Variants in R3HDM2 observed in about 807,000 individuals in gnomAD.
R3HDM2 encodes the protein R3H domain containing 2, also known as R3H domain-containing protein 2.
In R3HDM2, 38 loss-of-function variants were observed where a neutral mutation model predicts 124.5. The ratio of observed to expected loss-of-function variants is 0.31; its 90% CI spans 0.24 to 0.40. R3HDM2 has a LOEUF of 0.40. R3HDM2 is among the 10% of genes least tolerant of loss of function. The pLI, the probability that R3HDM2 is intolerant of heterozygous loss-of-function variation, is 1.00. For missense variants in R3HDM2, 869 were observed against 1,236.9 expected (o/e 0.70, Z 4.46); for synonymous variants, 391 against 448.0 (o/e 0.87, Z 1.61).
chr12:57,274,527 T>C (rs536624379), intron 14 of R3HDM2, among the ~76,000 whole-genome samples: 2 of 152,244 alleles, frequency 1.3e-5, no homozygotes, highest in South Asian at 4.1e-4. Context: ...TCCCCACACT[T>C]GTAAGTTCTG....
chr12:57,267,059 A>G (rs1487468415), intron 18 of R3HDM2: 2 of 434,066 alleles, frequency 4.6e-6, no homozygotes, highest in Admixed American at 7.9e-5. Context: ...TCAGTGCTAC[A>G]GATGGAATGT....
At chr12:57,339,326 T>C (rs1442309436) in intron 2 of R3HDM2, among the ~76,000 whole-genome samples, 1 of 152,142 alleles carries the variant, frequency 6.6e-6, no homozygotes, top group African/African-American at 2.4e-5. Flanking sequence ...TTAAATAATT[T>C]GGCCAAGGTC....
At position 57,258,018 on chromosome 12, in the gene R3HDM2, C is replaced by T; in HGVS notation, c.2421G>A (p.Gln807=). ...TGLSPLPVLT[Q]FPRPGGPAQG... ...GTGCTGGACCCCCAGGCCGGGGGAA[C>T]TGTGTGAGGACAGGCAGGGGACTGA... Residue 807 remains glutamine (Q), a synonymous_variant, in exon 21 of 24, where the codon CAG becomes CAA. Transcript: ENST00000402412. 6.3e-7 allele frequency: 1 copy of T among 1,579,594 alleles called. No homozygotes were observed.
intron 2 of R3HDM2, among the ~76,000 whole-genome samples, chr12:57,365,928 T>C (rs2062588570): frequency 1.1e-5 from 1 of 87,346 alleles, no homozygotes; most frequent in African/African-American, 3.0e-5. Context: ...AGAGCAAGAC[T>C]CCATCTCAAA....
At chr12:57,405,276 CTCAT>C (rs2068426168) in intron 1 of R3HDM2, among the ~76,000 whole-genome samples, 77 of 152,124 alleles carry the variant, frequency 5.1e-4, no homozygotes, top group Admixed American at 5.0e-3. Context: ...ATTTAAATTT[CTCAT>C]AATGAGTACA....
At position 57,375,002 on chromosome 12, in the gene R3HDM2, A is replaced by AAAAT. The variant is rs564327942; in HGVS notation, c.-36+20743_-36+20746dup. 4.3e-3 allele frequency among the ~76,000 whole-genome samples: 656 copies of AAAAT among 151,470 alleles called. 4 individuals are homozygous for AAAAT. The highest frequency in any genetic ancestry group is 0.014 in the African/African-American group (590 of 41,358). ...CAGAGCAAGACTCCATCTCAAAAAA[A>AAAAT]AAATAAATAAATAAATAAATAAAAT... On this transcript the variant is annotated intron_variant, in intron 2 of 23. Transcript: ENST00000402412.
chr12:57,311,274 G>T (rs2053848991), intron 2 of R3HDM2, among the ~76,000 whole-genome samples: 1 of 151,962 alleles, frequency 6.6e-6, no homozygotes, highest in Non-Finnish European at 1.5e-5. Flanking sequence ...CACCCAGGCT[G>T]GAGTGCAGTG....
intron 19 of R3HDM2, among the ~76,000 whole-genome samples, chr12:57,263,589 C>A (rs1479763536): frequency 6.6e-6 from 1 of 152,172 alleles, no homozygotes; most frequent in Non-Finnish European, 1.5e-5. Flanking sequence ...ATGCCTCAGC[C>A]TTCCAAGTAG....
At chr12:57,303,285 T>C in intron 3 of R3HDM2, 68 bp from the exon 4 acceptor site, 1 of 1,358,418 alleles carries the variant, frequency 7.4e-7, no homozygotes, top group Non-Finnish European at 1.0e-6. Flanking sequence ...AAACAATACA[T>C]GTTTATAAAG....
chr12:57,358,460 A>C (rs990361951), intron 2 of R3HDM2, among the ~76,000 whole-genome samples: 7 of 151,042 alleles, frequency 4.6e-5, no homozygotes, highest in Non-Finnish European at 1.0e-4. Flanking sequence ...AATATGGCAA[A>C]ACCCTGTGTC....
At chr12:57,357,441 G>A (rs1028168037) in intron 2 of R3HDM2, among the ~76,000 whole-genome samples, 3 of 150,972 alleles carry the variant, frequency 2.0e-5, no homozygotes, top group African/African-American at 7.3e-5. Flanking sequence ...CAGCCTGGGC[G>A]ACAGAGCAAG....
intron 2 of R3HDM2, among the ~76,000 whole-genome samples, chr12:57,326,648 T>C (rs1593308717): frequency 6.6e-6 from 1 of 152,150 alleles, no homozygotes; most frequent in African/African-American, 2.4e-5. Flanking sequence ...GTTAAGAAAA[T>C]TGATAAAGGT....
rs1011507666 is a variant in R3HDM2, at chr12:57,376,459, C to A, written c.-36+19290G>T. Among the ~76,000 whole-genome samples the A allele has an allele frequency of 2.6e-5, 4 of 152,264 alleles. 1 individual carries two copies. Among genetic ancestry groups the A allele is most frequent in the South Asian group, 4.1e-4 (2 of 4,826 alleles). ...ATATCCCTGAACCATCCTATTCTGT[C>A]TCAAAAAATAATTTCCCCTCAAAGT... is the stretch of plus-strand genomic sequence containing the variant. On this transcript the variant is annotated intron_variant, in intron 2 of 23. Transcript: ENST00000402412.
At chr12:57,339,868 C>T (rs955856186) in intron 2 of R3HDM2, among the ~76,000 whole-genome samples, 7 of 152,048 alleles carry the variant, frequency 4.6e-5, no homozygotes, top group Non-Finnish European at 7.4e-5. Flanking sequence ...TTATCCCAAA[C>T]GGGGTGATGC....
chr12:57,341,517 A>G, intron 2 of R3HDM2: 1 of 595,652 alleles, frequency 1.7e-6, no homozygotes, highest in Non-Finnish European at 2.1e-6. Flanking sequence ...AGCCAAGGCC[A>G]GCAAATAAAA....
chr12:57,364,143 C>CTT (rs11320875), intron 2 of R3HDM2, among the ~76,000 whole-genome samples: 3 of 81,664 alleles, frequency 3.7e-5, no homozygotes, highest in African/African-American at 9.2e-5. Flanking sequence ...GACTCGGTGT[C>CTT]TTTTTTTTTT....
Position 57,296,394 on chromosome 12 carries a change from A to G in R3HDM2, c.701+17T>C, listed in dbSNP as rs1426504181. ...TATCCCAGGGAAGTCTTCCCAAACC[A>G]TGGTTTCCTCCCTTACATTCTTGTG... On this transcript the variant is annotated intron_variant, in intron 9 of 23. Coordinates refer to ENST00000402412, the MANE Select transcript of R3HDM2 (RefSeq NM_001394031.1). This position sits in a 1 kb window ranked among gnomAD's most constrained non-coding sequence, Gnocchi z 4.5. The G allele has an allele frequency of 6.4e-7, 1 of 1,551,730 alleles. No homozygotes were observed.
Position 57,299,977 on chromosome 12 carries a change from T to A in R3HDM2, c.294+118A>T. 3 of 795,026 alleles carry A rather than the reference T, an allele frequency of 3.8e-6. No homozygotes were observed. The South Asian group carries it at 4.9e-5, about 13-fold the overall frequency. 49.2% of individuals were successfully genotyped at this position (795,026 alleles called of 1,614,324 possible). A position where few individuals can be genotyped will look rare whatever the true frequency, so the allele number is the denominator to read the frequency against. On this transcript the variant is annotated intron_variant, in intron 5 of 23. Coordinates refer to ENST00000402412, the MANE Select transcript of R3HDM2 (RefSeq NM_001394031.1). ...TGCCCTGTTTTACTACAACAGCTTT[T>A]GTTCTGAAGTACCTTCTACCCTGAT...
At chr12:57,293,103 G>A (rs2048988885) in intron 10 of R3HDM2, among the ~76,000 whole-genome samples, 1 of 152,120 alleles carries the variant, frequency 6.6e-6, no homozygotes. Flanking sequence ...AGAGGAGGAG[G>A]TTTATAGAAC....
Sources: allele counts gnomAD v4.1 joint callset (sites outside exome capture counted in the v4.1 genomes callset), GRCh38; gene constraint gnomAD v4.1.1; non-coding constraint Gnocchi (gnomAD v3.1); transcripts MANE v1.5; gene names NCBI Gene and HGNC (gene_info 2026-07-23, HGNC 2026-07-21).